Variants in RBFOX1 observed in about 807,000 individuals in gnomAD.
RBFOX1 encodes the protein RNA binding protein fox-1 homolog 1.
A neutral mutation model predicts 57.7 loss-of-function variants in RBFOX1; 8 were observed. That is an observed-to-expected ratio of 0.14 (90% CI 0.08 to 0.25). The LOEUF (loss-of-function observed/expected upper bound fraction) is 0.25, where lower values mean the gene tolerates loss of function less well. Ranked by LOEUF, RBFOX1 falls within the 10% of genes least tolerant of loss-of-function variation. RBFOX1 has a pLI of 1.00. For synonymous variants in RBFOX1, 326 were observed against 222.4 expected, an observed-to-expected ratio of 1.47 and a Z score of -4.15; for missense variants, 611 against 548.5, an observed-to-expected ratio of 1.11 and a Z score of -1.14.
intron 2 of RBFOX1, among the ~76,000 whole-genome samples, chr16:6,480,952 T>TC (rs1282176514): frequency 2.6e-5 from 4 of 152,050 alleles, no homozygotes; most frequent in African/African-American, 7.3e-5. Context: ...GTCTGTTGCC[T>TC]CCCCCCACAA....
At chr16:7,250,213 G>T (rs1012220477) in intron 4 of RBFOX1, among the ~76,000 whole-genome samples, 1 of 152,184 alleles carries the variant, frequency 6.6e-6, no homozygotes, top group African/African-American at 2.4e-5. Context: ...TAAATGGTAT[G>T]TGAAGCATGA....
At chr16:5,385,482 G>C (rs1249120819) in intron 1 of RBFOX1, among the ~76,000 whole-genome samples, 2 of 152,218 alleles carry the variant, frequency 1.3e-5, no homozygotes, top group African/African-American at 2.4e-5. Context: ...AATTAGTAAT[G>C]AGAAGGTGAA....
chr16:6,935,408 A>T (rs1209192562), intron 3 of RBFOX1, among the ~76,000 whole-genome samples: 2 of 152,206 alleles, frequency 1.3e-5, no homozygotes, highest in Non-Finnish European at 2.9e-5. Context: ...TTCCAACAGT[A>T]GATCATAAAA....
chr16:5,289,302 G>T, intron 1 of RBFOX1: 1 of 427,088 alleles, frequency 2.3e-6, no homozygotes, highest in Non-Finnish European at 4.5e-6. Context: ...GGCCTCCCAT[G>T]GTCAGCCTCA....
intron 3 of RBFOX1, among the ~76,000 whole-genome samples, chr16:5,681,610 C>G (rs961901257): frequency 3.3e-5 from 5 of 151,612 alleles, no homozygotes; most frequent in Non-Finnish European, 5.9e-5. Flanking sequence ...TCAGGCTGGA[C>G]TCGAACTCCC....
At chr16:7,516,258 C>T (rs934584826) in intron 4 of RBFOX1, among the ~76,000 whole-genome samples, 1 of 152,118 alleles carries the variant, frequency 6.6e-6, no homozygotes, top group Non-Finnish European at 1.5e-5. Context: ...GACTGGGACT[C>T]AGTGGTGTGA....
At chr16:7,036,168 A>G (rs1345280272) in intron 3 of RBFOX1, among the ~76,000 whole-genome samples, 2 of 151,188 alleles carry the variant, frequency 1.3e-5, no homozygotes, top group Non-Finnish European at 2.9e-5. Context: ...CCTTGTCTGG[A>G]GAATTGGTCC....
intron 3 of RBFOX1, among the ~76,000 whole-genome samples, chr16:6,757,609 G>A (rs779435517): frequency 6.6e-6 from 1 of 152,094 alleles, no homozygotes; most frequent in Non-Finnish European, 1.5e-5. Context: ...GATCTCTGGA[G>A]GATAGAGAGT....
chr16:6,709,900 A>G (rs921136499), intron 3 of RBFOX1, among the ~76,000 whole-genome samples: 2 of 152,126 alleles, frequency 1.3e-5, no homozygotes, highest in Non-Finnish European at 2.9e-5. Context: ...TACTGGCCAG[A>G]TGGATCGCTG....
chr16:7,097,798 C>A (rs146322073), intron 4 of RBFOX1, among the ~76,000 whole-genome samples: 3 of 152,254 alleles, frequency 2.0e-5, no homozygotes, highest in African/African-American at 7.2e-5. Flanking sequence ...AAAGAAAAAT[C>A]TAAAAGCAGA....
intron 5 of RBFOX1, among the ~76,000 whole-genome samples, chr16:7,520,087 G>T (rs2077206010): frequency 6.6e-6 from 1 of 152,020 alleles, no homozygotes; most frequent in African/African-American, 2.4e-5. Context: ...GGATTTCACT[G>T]TGTTATCCAG....
intron 3 of RBFOX1, among the ~76,000 whole-genome samples, chr16:5,745,707 TTTTCA>T (rs1434908693): frequency 6.6e-6 from 1 of 152,048 alleles, no homozygotes; most frequent in Non-Finnish European, 1.5e-5. Context: ...GATGAGCATT[TTTTCA>T]TGTGTCTTTT....
At chr16:7,697,100 G>C (rs2079034958) in intron 14 of RBFOX1, among the ~76,000 whole-genome samples, 1 of 152,180 alleles carries the variant, frequency 6.6e-6, no homozygotes, top group Non-Finnish European at 1.5e-5. Flanking sequence ...TTAATGATCA[G>C]ATAAGACTGC....
chr16:5,815,878 G>T (rs2055615714), intron 3 of RBFOX1, among the ~76,000 whole-genome samples: 1 of 152,180 alleles, frequency 6.6e-6, no homozygotes, highest in South Asian at 2.1e-4. Context: ...CTGGGAGCCT[G>T]GGGCTGGGGG....
intron 4 of RBFOX1, among the ~76,000 whole-genome samples, chr16:7,130,471 C>G (rs767396951): frequency 6.6e-6 from 1 of 152,178 alleles, no homozygotes; most frequent in Non-Finnish European, 1.5e-5. Flanking sequence ...AAGTGATCAT[C>G]TCTGTCTCAC....
At chr16:6,962,751 C>T (rs974958452) in intron 3 of RBFOX1, among the ~76,000 whole-genome samples, 2 of 152,088 alleles carry the variant, frequency 1.3e-5, no homozygotes, top group Non-Finnish European at 2.9e-5. Flanking sequence ...GTAGCCCCAG[C>T]TACCTTAGAA....
intron 3 of RBFOX1, among the ~76,000 whole-genome samples, chr16:6,710,215 A>G (rs2063482440): frequency 6.6e-6 from 1 of 152,126 alleles, no homozygotes; most frequent in African/African-American, 2.4e-5. Context: ...AATGTTTGTC[A>G]CTTATTTTCC....
chr16:6,763,568 A>T (rs9935002), intron 3 of RBFOX1, among the ~76,000 whole-genome samples: 2,638 of 152,270 alleles, frequency 0.017, 80 homozygotes, highest in African/African-American at 0.06. Context: ...GTTATTTCTT[A>T]ATAAGCTATC....
chr16:5,577,233 C>A (rs1436075872), intron 2 of RBFOX1, among the ~76,000 whole-genome samples: 1 of 152,298 alleles, frequency 6.6e-6, no homozygotes, highest in East Asian at 1.9e-4. Context: ...TTGCAACGAT[C>A]TAAGAACAAG....
Sources: allele counts gnomAD v4.1 joint callset (sites outside exome capture counted in the v4.1 genomes callset), GRCh38; gene constraint gnomAD v4.1.1; transcripts MANE v1.5; gene names NCBI Gene and HGNC (gene_info 2026-07-23, HGNC 2026-07-21).